STXBP6: variants seen among roughly 807,000 people sequenced by gnomAD.
The protein encoded by STXBP6 is syntaxin-binding protein 6.
In STXBP6, 21 loss-of-function variants were observed where a neutral mutation model predicts 26.9. That is an observed-to-expected ratio of 0.78 (90% confidence interval 0.55 to 1.12). STXBP6 has a LOEUF of 1.12. Ranked by LOEUF, STXBP6 falls within the 50% of genes most tolerant of loss-of-function variation. The pLI, the probability that STXBP6 is intolerant of heterozygous loss-of-function variation, is 0.00. For synonymous variants in STXBP6, 97 were observed against 92.6 expected (o/e 1.05, Z -0.27); for missense variants, 232 against 257.9 (o/e 0.90, Z 0.69).
intron 4 of STXBP6, among the ~76,000 whole-genome samples, chr14:24,834,343 C>T (rs17200666): frequency 0.19 from 29,658 of 152,108 alleles, 3,620 homozygotes; most frequent in Admixed American, 0.36. Context: ...CTTACAGGTT[C>T]AAATTTTAAC....
intron 1 of STXBP6, chr14:24,987,832 C>G: frequency 1.0e-6 from 1 of 985,444 alleles, no homozygotes; most frequent in East Asian, 1.1e-4. Flanking sequence ...AGGAGAAAAA[C>G]AAACAGAAAA....
intron 1 of STXBP6, among the ~76,000 whole-genome samples, chr14:25,045,014 A>C (rs1303742946): frequency 6.6e-6 from 1 of 152,176 alleles, no homozygotes; most frequent in African/African-American, 2.4e-5. Flanking sequence ...AAAATAAGTA[A>C]CCACTTATAG....
intron 1 of STXBP6, among the ~76,000 whole-genome samples, chr14:25,019,188 G>C (rs1019355200): frequency 6.6e-6 from 1 of 152,176 alleles, no homozygotes; most frequent in African/African-American, 2.4e-5. Context: ...GAAACTTTAT[G>C]TTCTTACTAG....
At chr14:25,010,207 G>A (rs2074997799) in intron 1 of STXBP6, among the ~76,000 whole-genome samples, 2 of 152,276 alleles carry the variant, frequency 1.3e-5, no homozygotes, top group Admixed American at 1.3e-4. Flanking sequence ...TGATGGTTAT[G>A]CTCACTTTAG....
chr14:24,939,473 T>C (rs180924162), intron 2 of STXBP6, among the ~76,000 whole-genome samples: 243 of 152,330 alleles, frequency 1.6e-3, no homozygotes, highest in Non-Finnish European at 2.7e-3. Flanking sequence ...TTTTTTTTTT[T>C]TTCCAGTTAC....
chr14:24,978,051 T>G (rs541265794), intron 1 of STXBP6, among the ~76,000 whole-genome samples: 1 of 152,330 alleles, frequency 6.6e-6, no homozygotes, highest in Non-Finnish European at 1.5e-5. Context: ...ATGTTTTTAA[T>G]GTCACCCTGG....
intron 5 of STXBP6, among the ~76,000 whole-genome samples, chr14:24,812,983 G>A (rs974539039): frequency 3.7e-4 from 53 of 144,042 alleles, no homozygotes; most frequent in African/African-American, 1.1e-3. Context: ...CAGGCGGGAG[G>A]GAGTGCCTGT....
At chr14:24,857,617 T>C (rs1294391893) in intron 2 of STXBP6, among the ~76,000 whole-genome samples, 1 of 152,058 alleles carries the variant, frequency 6.6e-6, no homozygotes, top group Non-Finnish European at 1.5e-5. Context: ...TCTAGTTTTA[T>C]AGTCCAGTGT....
intron 2 of STXBP6, among the ~76,000 whole-genome samples, chr14:24,937,756 T>C (rs1448948921): frequency 6.6e-6 from 1 of 152,236 alleles, no homozygotes; most frequent in Non-Finnish European, 1.5e-5. Context: ...GGTTGTGTTA[T>C]CTTTAAATAG....
chr14:24,913,051 T>C (rs2071630999), intron 2 of STXBP6, among the ~76,000 whole-genome samples: 1 of 152,182 alleles, frequency 6.6e-6, no homozygotes, highest in Admixed American at 6.5e-5. Context: ...ACACCTACCC[T>C]GCCAGGAGAC....
chr14:24,984,202 A>G (rs2074274572), intron 1 of STXBP6, among the ~76,000 whole-genome samples: 2 of 152,234 alleles, frequency 1.3e-5, no homozygotes. Flanking sequence ...ACTGCACTCC[A>G]GCCTGGCAAC....
At chr14:24,995,798 C>G (rs1159761646) in intron 1 of STXBP6, among the ~76,000 whole-genome samples, 1 of 152,172 alleles carries the variant, frequency 6.6e-6, no homozygotes, top group Non-Finnish European at 1.5e-5. Flanking sequence ...CAGCCCATAT[C>G]TTTCCCTTTT....
At chr14:25,041,856 G>A (rs1051824877) in intron 1 of STXBP6, among the ~76,000 whole-genome samples, 1 of 152,182 alleles carries the variant, frequency 6.6e-6, no homozygotes, top group African/African-American at 2.4e-5. Context: ...TTGTAACAAA[G>A]TAAACAATCT....
intron 2 of STXBP6, among the ~76,000 whole-genome samples, chr14:24,932,154 A>G (rs1289709056): frequency 6.6e-6 from 1 of 152,170 alleles, no homozygotes; most frequent in Non-Finnish European, 1.5e-5. Context: ...CATGCCTGTA[A>G]TCCCAGCACT....
chr14:24,815,659 T>C (rs1451886672), intron 5 of STXBP6: 2 of 152,132 alleles, frequency 1.3e-5, no homozygotes, highest in Admixed American at 1.3e-4. Context: ...AATGTTTTTT[T>C]CTGCAAGAAA....
intron 4 of STXBP6, among the ~76,000 whole-genome samples, chr14:24,820,892 T>C (rs527328991): frequency 1.3e-5 from 2 of 152,270 alleles, no homozygotes; most frequent in South Asian, 4.1e-4. Context: ...GCAGATATGG[T>C]GTTGGTTCAG....
chr14:24,999,702 C>A (rs763189379), intron 1 of STXBP6, among the ~76,000 whole-genome samples: 1 of 152,024 alleles, frequency 6.6e-6, no homozygotes, highest in Non-Finnish European at 1.5e-5. Flanking sequence ...CAAAAGACTT[C>A]AGTTTAAAAA....
intron 2 of STXBP6, among the ~76,000 whole-genome samples, chr14:24,941,956 C>T (rs1388454698): frequency 6.6e-6 from 1 of 152,222 alleles, no homozygotes; most frequent in Non-Finnish European, 1.5e-5. Context: ...TGTGCATCTG[C>T]ACCAGTTCCC....
chr14:24,833,062 A>G (rs2068504072), intron 4 of STXBP6, among the ~76,000 whole-genome samples: 1 of 152,218 alleles, frequency 6.6e-6, no homozygotes, highest in African/African-American at 2.4e-5. Context: ...GACTCCAAAC[A>G]TCAGTCTTCT....
Sources: allele counts gnomAD v4.1 joint callset (sites outside exome capture counted in the v4.1 genomes callset), GRCh38; gene constraint gnomAD v4.1.1; transcripts MANE v1.5; gene names NCBI Gene and HGNC (gene_info 2026-07-23, HGNC 2026-07-21).